BFSP1: variants seen among roughly 807,000 people sequenced by gnomAD.
The protein encoded by BFSP1 is beaded filament structural protein 1, also known as filensin.
A neutral mutation model predicts 43.9 loss-of-function variants in BFSP1; 38 were observed. The observed-to-expected ratio is 0.87, with a 90% CI of 0.67 to 1.14. The LOEUF is 1.14. Ranked by LOEUF, BFSP1 falls within the 50% of genes most tolerant of loss-of-function variation. BFSP1 has a pLI of 0.00. For missense variants in BFSP1, 850 were observed against 875.1 expected (o/e 0.97, Z 0.36); for synonymous variants, 352 against 354.8 (o/e 0.99, Z 0.09).
At chr20:17,549,572 A>T (rs2034861648) in intron 1 of BFSP1, among the ~76,000 whole-genome samples, 1 of 152,190 alleles carries the variant, frequency 6.6e-6, no homozygotes, top group South Asian at 2.1e-4. Context: ...CAGTAGGCTC[A>T]TGCCTGTAAT....
chr20:17,563,794 G>A (rs1262966191), upstream of BFSP1, among the ~76,000 whole-genome samples: 2 of 151,132 alleles, frequency 1.3e-5, no homozygotes, highest in Non-Finnish European at 2.9e-5. Flanking sequence ...GCTGAGGTGG[G>A]AAGATTGCTT....
intron 5 of BFSP1, among the ~76,000 whole-genome samples, chr20:17,501,001 G>T (rs570613315): frequency 6.6e-6 from 1 of 152,152 alleles, no homozygotes; most frequent in Non-Finnish European, 1.5e-5. Context: ...CAGCAGGGAT[G>T]GGGGGCCGGA....
rs537325783 is a variant in BFSP1, at chr20:17,511,244, A to AT, written c.627+731dup. Among the ~76,000 whole-genome samples, 661 of 152,262 alleles carry AT rather than the reference A, an allele frequency of 4.3e-3. 5 individuals are homozygous for AT. Among genetic ancestry groups the AT allele is most frequent in the African/African-American group, 0.015 (637 of 41,542 alleles). On this transcript the variant is annotated intron_variant, in intron 4 of 7. Transcript: ENST00000377873. ...AATTTGGAACATAATATCAGAAGTA[A>AT]TTTTTCATATCCAAATCTTAATTTT...
intron 1 of BFSP1, among the ~76,000 whole-genome samples, chr20:17,564,659 G>A (rs999079469): frequency 6.6e-6 from 1 of 151,900 alleles, no homozygotes; most frequent in Admixed American, 6.6e-5. Context: ...CGCCATCTTC[G>A]CTCACTGCAA....
chr20:17,505,237 C>CT (rs1439077162), intron 5 of BFSP1, among the ~76,000 whole-genome samples: 1 of 152,236 alleles, frequency 6.6e-6, no homozygotes, highest in Non-Finnish European at 1.5e-5. Context: ...AGCCCAGGCA[C>CT]TATTCTCCCA....
chr20:17,506,525 C>CTT (rs572795949), intron 5 of BFSP1, among the ~76,000 whole-genome samples: 3,221 of 134,468 alleles, frequency 0.024, 121 homozygotes, highest in African/African-American at 0.076. Context: ...TAATTAGTTT[C>CTT]TTTTTTTTTT....
chr20:17,497,863 C>T (rs1010108503), intron 6 of BFSP1, among the ~76,000 whole-genome samples: 4 of 152,004 alleles, frequency 2.6e-5, no homozygotes, highest in Non-Finnish European at 5.9e-5. Context: ...AAGAGGTATC[C>T]AGTCACCTTT....
chr20:17,495,510 G>C (rs1232735232), intron 7 of BFSP1, among the ~76,000 whole-genome samples: 1 of 152,178 alleles, frequency 6.6e-6, no homozygotes, highest in Non-Finnish European at 1.5e-5. Flanking sequence ...GACATGCTCA[G>C]ATGGCCTTGG....
intron 1 of BFSP1, among the ~76,000 whole-genome samples, chr20:17,541,410 A>C (rs1435374088): frequency 2.0e-5 from 3 of 152,200 alleles, no homozygotes; most frequent in African/African-American, 7.2e-5. Flanking sequence ...GGGCATGGTC[A>C]AATTTAGTAG....
chr20:17,497,619 TATAC>T (rs2033685065), intron 6 of BFSP1, among the ~76,000 whole-genome samples: 1 of 147,380 alleles, frequency 6.8e-6, no homozygotes, highest in Admixed American at 6.9e-5. Flanking sequence ...TATATATACA[TATAC>T]ACACACATAT....
chr20:17,532,942 T>C (rs1485269379), upstream of BFSP1, among the ~76,000 whole-genome samples: 1 of 152,144 alleles, frequency 6.6e-6, no homozygotes, highest in Non-Finnish European at 1.5e-5. Context: ...TTTGTGGAGT[T>C]TATTATTACA....
At chr20:17,568,109 T>C (rs975411883) in intron 1 of BFSP1, among the ~76,000 whole-genome samples, 1 of 151,774 alleles carries the variant, frequency 6.6e-6, no homozygotes, top group African/African-American at 2.4e-5. Context: ...GAATGAGAAG[T>C]TTCGTCTGGG....
chr20:17,494,884 G>A lies in BFSP1; in HGVS notation c.1188C>T (p.Asp396=), dbSNP rs2057795013. ...LEDAPLKGLE[D]TKLVQVVLKE... is the part of the protein sequence containing the mutation. ...TAAGTACCACCTGTACCAGCTTTGT[G>A]TCTTCCAAACCTTTTAATGGTGCAT... The change falls in exon 8 of 8, where the codon GAC becomes GAT. Residue 396 remains aspartate, a synonymous_variant. Transcript: ENST00000377873. The A allele has an allele frequency of 6.2e-7, 1 of 1,614,164 alleles. No individual in the cohort carries two copies. The highest frequency in any genetic ancestry group is 8.5e-7 in the Non-Finnish European group (1 of 1,180,042).
chr20:17,550,462 C>CT (rs66786068), intron 1 of BFSP1, among the ~76,000 whole-genome samples: 1,584 of 131,882 alleles, frequency 0.012, 29 homozygotes, highest in African/African-American at 0.041. Flanking sequence ...GACTATAATC[C>CT]TTTTTTTTTT....
intron 6 of BFSP1, among the ~76,000 whole-genome samples, chr20:17,498,118 C>T (rs1013087175): frequency 5.3e-5 from 8 of 152,188 alleles, no homozygotes; most frequent in Admixed American, 5.2e-4. Context: ...TGGTGGGGAC[C>T]TCAGTTGTGG....
intron 5 of BFSP1, among the ~76,000 whole-genome samples, chr20:17,501,187 T>C (rs1441159921): frequency 6.6e-6 from 1 of 152,244 alleles, no homozygotes; most frequent in Non-Finnish European, 1.5e-5. Flanking sequence ...AGATGATCAT[T>C]GCCATCAAAA....
At chr20:17,495,605 G>A (rs2033613588) in intron 7 of BFSP1, among the ~76,000 whole-genome samples, 1 of 152,148 alleles carries the variant, frequency 6.6e-6, no homozygotes, top group Non-Finnish European at 1.5e-5. Context: ...GCTGTGATCA[G>A]CCTCCCCTTC....
At chr20:17,558,674 A>G (rs2035034843) in intron 1 of BFSP1, 1 of 1,551,504 alleles carries the variant, frequency 6.4e-7, no homozygotes, top group Non-Finnish European at 8.7e-7. Context: ...CTTGCCGTTT[A>G]TCAGAACACT....
intron 1 of BFSP1, among the ~76,000 whole-genome samples, chr20:17,554,518 T>C (rs1433770166): frequency 1.3e-5 from 2 of 152,160 alleles, no homozygotes; most frequent in Non-Finnish European, 2.9e-5. Context: ...ATTAACAAAT[T>C]AAAGGAGGGG....
Sources: allele counts gnomAD v4.1 joint callset (sites outside exome capture counted in the v4.1 genomes callset), GRCh38; gene constraint gnomAD v4.1.1; transcripts MANE v1.5; gene names NCBI Gene and HGNC (gene_info 2026-07-23, HGNC 2026-07-21).